Variants in PHAF1 observed in about 807,000 individuals in gnomAD.
PHAF1 encodes the protein phagosome assembly factor 1.
In PHAF1, 23 loss-of-function variants were observed where a neutral mutation model predicts 63.1. The observed-to-expected ratio is 0.36, with a 90% CI of 0.26 to 0.52. PHAF1 has a LOEUF of 0.52. Among genes scored for constraint, PHAF1 ranks in the 20% least tolerant of loss-of-function variants. The pLI is 0.93. For missense variants in PHAF1, 427 were observed against 517.2 expected, an observed-to-expected ratio of 0.83 and a Z score of 1.69; for synonymous variants, 167 against 185.0, an observed-to-expected ratio of 0.90 and a Z score of 0.79.
At chr16:67,115,707 T>C (rs970948382) in intron 1 of PHAF1, among the ~76,000 whole-genome samples, 8 of 152,196 alleles carry the variant, frequency 5.3e-5, no homozygotes, top group Admixed American at 1.3e-4. Context: ...TTAGAGATCT[T>C]TCGTAGCCCT....
chr16:67,118,321 G>A (rs936037665), intron 1 of PHAF1, among the ~76,000 whole-genome samples: 2 of 133,652 alleles, frequency 1.5e-5, no homozygotes, highest in Non-Finnish European at 3.1e-5. Context: ...ACCGTACCCT[G>A]CCCCTGTTGC....
chr16:67,146,437 G>A, intron 15 of PHAF1, 87 bp downstream of exon 15: 1 of 1,359,716 alleles, frequency 7.4e-7, no homozygotes, highest in Non-Finnish European at 1.1e-6. Flanking sequence ...AAATTGGGGA[G>A]GGCATCACTG....
intron 12 of PHAF1, 93 bp from the exon 13 acceptor site, chr16:67,145,283 G>T: frequency 2.1e-6 from 3 of 1,425,702 alleles, no homozygotes; most frequent in Non-Finnish European, 2.9e-6. Flanking sequence ...CAACCCCAGT[G>T]CAAAGGGACA....
chr16:67,138,177 C>T (rs1033073024), intron 8 of PHAF1, among the ~76,000 whole-genome samples: 3 of 152,144 alleles, frequency 2.0e-5, no homozygotes, highest in African/African-American at 7.2e-5. Flanking sequence ...GACATCCACA[C>T]GTATCTGGTG....
Position 67,120,112 on chromosome 16 carries a change from G to A in PHAF1, c.65G>A (p.Gly22Glu). 6.2e-7 allele frequency: 1 copy of A among 1,613,228 alleles called. No homozygotes were observed. The highest frequency in any genetic ancestry group is 8.5e-7 in the Non-Finnish European group (1 of 1,179,690). ...LGNEQWEFTL[G>E]MPLAQAVAIL... ...ACATAGGTGTCTTGCTTTATTTCAGGAATGCCTCTGGCTCAGGCAGTAGCC... is the reference window on the plus strand; with the variant it reads ...ACATAGGTGTCTTGCTTTATTTCAGAAATGCCTCTGGCTCAGGCAGTAGCC... The change falls in exon 2 of 16, where the codon GGA becomes GAA. Residue 22 changes from glycine (G) to glutamate (E), a missense_variant and splice_region_variant. Physicochemically the swap from Gly to Glu is moderately conservative, Grantham distance 98. Transcript: ENST00000219139.
rs769452832 is a variant in PHAF1, at chr16:67,127,437, A to G, written c.231+1395A>G. ...ATGTGGAATTAGAATTCCTCATTCT[A>G]TCCTGTCTCCATGGCCAGAAGTTCC... is the stretch of plus-strand genomic sequence containing the variant. On this transcript the variant is annotated intron_variant, in intron 3 of 15. Transcript: ENST00000219139. Among the ~76,000 whole-genome samples, 5 of 152,232 alleles carry G rather than the reference A, an allele frequency of 3.3e-5. No individual in the cohort carries two copies. In the South Asian group the frequency reaches 8.3e-4, roughly 25 times the overall value.
chr16:67,145,424 G>C lies in PHAF1; in HGVS notation c.1050+5G>C. ...ACATGCACGACCTACAGCAAGGTGA[G>C]CACCTATCTTCCTACCTGGCATAGC... On this transcript the variant is annotated splice_donor_5th_base_variant and intron_variant, in intron 13 of 15. Transcript: ENST00000219139. 6.2e-7 allele frequency: 1 copy of C among 1,614,164 alleles called. No homozygotes were observed.
chr16:67,145,557 A>G lies in PHAF1; in HGVS notation c.1051-13A>G. The G allele has an allele frequency of 6.2e-7, 1 of 1,613,800 alleles. No individual in the cohort carries two copies. On this transcript the variant is annotated splice_polypyrimidine_tract_variant and intron_variant, in intron 13 of 15. Transcript: ENST00000219139. ...TCCCTACTAACCCCTGCTCCCCTCTATCCCTCTTGCAGTGGGACAACATCC... is the reference window on the plus strand; with the variant it reads ...TCCCTACTAACCCCTGCTCCCCTCTGTCCCTCTTGCAGTGGGACAACATCC...
At position 67,117,884 on chromosome 16, in the gene PHAF1, G is replaced by A. The variant is rs144641584; in HGVS notation, c.65-2228G>A. 2.1e-3 allele frequency among the ~76,000 whole-genome samples: 307 copies of A among 148,578 alleles called. 1 individual carries two copies. Among genetic ancestry groups the A allele is most frequent in the African/African-American group, 7.1e-3 (288 of 40,316 alleles). Reference sequence around the variant, plus strand: ...CCAGAGTGCAGCCTCCACCTCCCAAGCTCAAGCCATCCTTTCACCTCAGCC... The same window carrying A: ...CCAGAGTGCAGCCTCCACCTCCCAAACTCAAGCCATCCTTTCACCTCAGCC... On this transcript the variant is annotated intron_variant, in intron 1 of 15. Coordinates refer to ENST00000219139, the MANE Select transcript of PHAF1 (RefSeq NM_025187.5).
At chr16:67,113,128 G>A (rs994549201) in intron 1 of PHAF1, among the ~76,000 whole-genome samples, 2 of 152,176 alleles carry the variant, frequency 1.3e-5, no homozygotes, top group Non-Finnish European at 2.9e-5. Flanking sequence ...AACAAAAGTC[G>A]CCAAACAGGC....
chr16:67,132,978 T>C (rs1338037854), intron 6 of PHAF1, 67 bp downstream of exon 6: 6 of 1,316,740 alleles, frequency 4.6e-6, no homozygotes, highest in South Asian at 1.3e-5. Flanking sequence ...GATGGTGTCA[T>C]GGGATGGGAA....
In PHAF1 at chr16:67,114,129, G is replaced by A. The variant is rs149669129; in HGVS notation, c.64+3890G>A. On this transcript the variant is annotated intron_variant, in intron 1 of 15. Coordinates refer to ENST00000219139, the MANE Select transcript of PHAF1 (RefSeq NM_025187.5). The stretch of plus-strand genomic sequence containing the variant: ...GGTCAGTGAAGAAAATACCTTCTCC[G>A]AGATTACCTTGTTCCACAGAGACTG... Among the ~76,000 whole-genome samples, 874 of 152,160 alleles carry A rather than the reference G, an allele frequency of 5.7e-3. 4 individuals carry two copies. The highest frequency in any genetic ancestry group is 0.02 in the African/African-American group (816 of 41,518).
chr16:67,134,672 G>C, intron 8 of PHAF1: 1 of 667,558 alleles, frequency 1.5e-6, no homozygotes, highest in Non-Finnish European at 2.8e-6. Flanking sequence ...GGCAGATTCA[G>C]TATCTGGATG....
At chr16:67,141,703 G>T in intron 10 of PHAF1, among the ~76,000 whole-genome samples, 1 of 152,348 alleles carries the variant, frequency 6.6e-6, no homozygotes, top group South Asian at 2.1e-4. Flanking sequence ...ACGTAAGGGT[G>T]AGGCTAGATC....
chr16:67,127,911 G>A lies in PHAF1; in HGVS notation c.231+1869G>A, dbSNP rs138265023. On this transcript the variant is annotated intron_variant, in intron 3 of 15. Transcript: ENST00000219139. ...TAGAAAATGTAACCCAGAAACACTGGGGGAAGGTAACGGTATTTCATGGTA... is the reference window on the plus strand; with the variant it reads ...TAGAAAATGTAACCCAGAAACACTGAGGGAAGGTAACGGTATTTCATGGTA... Among the ~76,000 whole-genome samples the A allele has an allele frequency of 1.9e-3, 292 of 152,274 alleles. 6 individuals carry two copies. Among genetic ancestry groups the A allele is most frequent in the Admixed American group, 0.015 (230 of 15,294 alleles).
chr16:67,128,053 ACAT>A (rs1963257232), intron 3 of PHAF1, among the ~76,000 whole-genome samples: 3 of 152,042 alleles, frequency 2.0e-5, no homozygotes, highest in African/African-American at 7.2e-5. Flanking sequence ...TATGCTAGGC[ACAT>A]GGCTGGGTGT....
intron 1 of PHAF1, among the ~76,000 whole-genome samples, chr16:67,119,453 T>C (rs1962884317): frequency 6.6e-6 from 1 of 151,782 alleles, no homozygotes; most frequent in African/African-American, 2.4e-5. Flanking sequence ...TAAAATAGAC[T>C]AACACTAATG....
At chr16:67,131,199 T>TAA in intron 3 of PHAF1, 87 bp from the exon 4 acceptor site, 1 of 545,304 alleles carries the variant, frequency 1.8e-6, no homozygotes, top group Admixed American at 4.2e-5. Context: ...TTTTTTTTTT[T>TAA]TACTATTTAT....
At chr16:67,112,799 G>C (rs8064088) in intron 1 of PHAF1, among the ~76,000 whole-genome samples, 37,165 of 152,048 alleles carry the variant, frequency 0.24, 9,668 homozygotes, top group African/African-American at 0.66. Flanking sequence ...TGGCCCAGAG[G>C]CTTCATGATT....
Sources: allele counts gnomAD v4.1 joint callset (sites outside exome capture counted in the v4.1 genomes callset), GRCh38; gene constraint gnomAD v4.1.1; transcripts MANE v1.5; gene names NCBI Gene and HGNC (gene_info 2026-07-23, HGNC 2026-07-21).